The following LRRC4C variants were observed in gnomAD, a reference collection of about 807,000 sequenced individuals.
LRRC4C encodes the protein leucine rich repeat containing 4C, also known as leucine-rich repeat-containing protein 4C.
In LRRC4C, 5 loss-of-function variants were observed where a neutral mutation model predicts 33.6. That is an observed-to-expected ratio of 0.15 (90% CI 0.08 to 0.31). LRRC4C has a LOEUF of 0.31. Among genes scored for constraint, LRRC4C ranks in the 10% least tolerant of loss-of-function variants. The probability of loss-of-function intolerance (pLI) is 1.00; values close to 1 mark genes in which losing one functional copy is unlikely to be tolerated. For missense variants in LRRC4C, 560 were observed against 796.7 expected (o/e 0.70, Z 3.58); for synonymous variants, 329 against 302.0 (o/e 1.09, Z -0.93).
intron 2 of LRRC4C, among the ~76,000 whole-genome samples, chr11:40,726,265 A>C (rs1947288579): frequency 6.6e-6 from 1 of 152,136 alleles, no homozygotes; most frequent in African/African-American, 2.4e-5. Context: ...CTATTCCAGA[A>C]AAATCAAGGA....
intron 1 of LRRC4C, among the ~76,000 whole-genome samples, chr11:41,020,702 C>A (rs921688097): frequency 6.6e-6 from 1 of 152,176 alleles, no homozygotes; most frequent in Non-Finnish European, 1.5e-5. Flanking sequence ...TCTAAGCCAC[C>A]TGTAAGGTAC....
intron 2 of LRRC4C, among the ~76,000 whole-genome samples, chr11:40,754,107 T>C (rs1000607700): frequency 6.6e-6 from 1 of 152,052 alleles, no homozygotes; most frequent in African/African-American, 2.4e-5. Flanking sequence ...CACATAATCA[T>C]TTAATTTGTA....
At chr11:41,295,288 C>T (rs956037942) in intron 1 of LRRC4C, among the ~76,000 whole-genome samples, 1 of 152,076 alleles carries the variant, frequency 6.6e-6, no homozygotes, top group African/African-American at 2.4e-5. Flanking sequence ...AATGGACCAT[C>T]CCTATATTTT....
chr11:41,319,708 G>A (rs1035394826), intron 1 of LRRC4C, among the ~76,000 whole-genome samples: 4 of 152,002 alleles, frequency 2.6e-5, no homozygotes, highest in African/African-American at 7.2e-5. Flanking sequence ...ACACCATCAC[G>A]CCCAGCTAAT....
chr11:41,074,098 C>A (rs1404514001), intron 1 of LRRC4C, among the ~76,000 whole-genome samples: 1 of 152,146 alleles, frequency 6.6e-6, no homozygotes, highest in Non-Finnish European at 1.5e-5. Flanking sequence ...TCATAATAAT[C>A]ATCGATAACA....
At chr11:40,819,158 A>G (rs1270706974) in intron 2 of LRRC4C, among the ~76,000 whole-genome samples, 1 of 152,164 alleles carries the variant, frequency 6.6e-6, no homozygotes, top group Non-Finnish European at 1.5e-5. Context: ...TCTCAATAAA[A>G]TGATTCACAA....
At chr11:40,415,265 A>G (rs951363475) in intron 3 of LRRC4C, among the ~76,000 whole-genome samples, 1 of 152,230 alleles carries the variant, frequency 6.6e-6, no homozygotes, top group African/African-American at 2.4e-5. Flanking sequence ...TTGTGTAGTC[A>G]CATACAAGCT....
chr11:41,217,962 C>T (rs1457975811), intron 1 of LRRC4C, among the ~76,000 whole-genome samples: 2 of 152,134 alleles, frequency 1.3e-5, no homozygotes, highest in African/African-American at 4.8e-5. Context: ...TTAGTGAATT[C>T]CACTTAGCCT....
intron 3 of LRRC4C, chr11:40,445,170 C>G (rs541085820): frequency 6.6e-6 from 1 of 152,268 alleles, no homozygotes; most frequent in Admixed American, 6.5e-5. Context: ...ACTAATCATA[C>G]CACAAAAATA....
chr11:40,330,016 C>G (rs920796210), intron 3 of LRRC4C, among the ~76,000 whole-genome samples: 6 of 152,180 alleles, frequency 3.9e-5, no homozygotes, highest in East Asian at 3.9e-4. Context: ...GCTGGGATTA[C>G]AGGCGTGAGC....
intron 1 of LRRC4C, among the ~76,000 whole-genome samples, chr11:41,331,008 C>G (rs1565587575): frequency 6.6e-6 from 1 of 152,088 alleles, no homozygotes; most frequent in Non-Finnish European, 1.5e-5. Flanking sequence ...CTAATGACAG[C>G]ATGATTCCTC....
chr11:40,741,254 C>T (rs923676761), intron 2 of LRRC4C, among the ~76,000 whole-genome samples: 1 of 151,950 alleles, frequency 6.6e-6, no homozygotes. Flanking sequence ...ATTTGGGGAA[C>T]TGATTAGTTG....
intron 1 of LRRC4C, among the ~76,000 whole-genome samples, chr11:41,372,273 A>C (rs1952779457): frequency 6.6e-6 from 1 of 152,266 alleles, no homozygotes; most frequent in African/African-American, 2.4e-5. Flanking sequence ...GCAACTAAGT[A>C]ACCACGAATG....
chr11:40,940,197 T>C (rs971730122), intron 1 of LRRC4C, among the ~76,000 whole-genome samples: 5 of 152,168 alleles, frequency 3.3e-5, no homozygotes, highest in African/African-American at 1.2e-4. Flanking sequence ...GTGATAGTGA[T>C]AGTACCTAAC....
chr11:40,313,140 T>C (rs143961650), intron 4 of LRRC4C, among the ~76,000 whole-genome samples: 5 of 152,254 alleles, frequency 3.3e-5, no homozygotes, highest in African/African-American at 1.2e-4. Context: ...ATTCTTTTTG[T>C]TTTGTCCTAT....
At chr11:40,243,166 G>C (rs547226452) in intron 4 of LRRC4C, among the ~76,000 whole-genome samples, 2 of 152,250 alleles carry the variant, frequency 1.3e-5, no homozygotes, top group South Asian at 4.1e-4. Flanking sequence ...GTAATGTAAT[G>C]ACAGCAAGAT....
intron 3 of LRRC4C, among the ~76,000 whole-genome samples, chr11:40,535,193 T>A (rs1956421273): frequency 6.6e-6 from 1 of 152,122 alleles, no homozygotes; most frequent in Admixed American, 6.6e-5. Flanking sequence ...TTTCTTAATG[T>A]AAAGAAAGAA....
At chr11:40,350,955 T>C (rs1947355820) in intron 3 of LRRC4C, among the ~76,000 whole-genome samples, 3 of 152,124 alleles carry the variant, frequency 2.0e-5, no homozygotes. Context: ...GCAACTTTAC[T>C]GAATTTATTA....
intron 1 of LRRC4C, among the ~76,000 whole-genome samples, chr11:41,417,489 A>T (rs1333439200): frequency 6.6e-6 from 1 of 152,062 alleles, no homozygotes; most frequent in Non-Finnish European, 1.5e-5. Flanking sequence ...CCCTTGAAAA[A>T]GCAAGTTTCT....
Sources: allele counts gnomAD v4.1 joint callset (sites outside exome capture counted in the v4.1 genomes callset), GRCh38; gene constraint gnomAD v4.1.1; transcripts MANE v1.5; gene names NCBI Gene and HGNC (gene_info 2026-07-23, HGNC 2026-07-21).